USP38: variants seen among roughly 807,000 people sequenced by gnomAD.
USP38 encodes ubiquitin carboxyl-terminal hydrolase 38.
In USP38, 49 loss-of-function variants were observed where a neutral mutation model predicts 94.3. That is an observed-to-expected ratio of 0.52 (90% confidence interval 0.41 to 0.66). USP38 has a LOEUF of 0.66. Ranked by LOEUF, USP38 falls within the 30% of genes least tolerant of loss-of-function variation. The pLI is 0.00. For missense variants in USP38, 1,128 were observed against 1,229.4 expected (o/e 0.92, Z 1.23); for synonymous variants, 468 against 463.6 (o/e 1.01, Z -0.12).
In USP38 at chr4:143,186,098, C is replaced by T. The variant is rs192764056; in HGVS notation, c.648C>T (p.Ser216=). ...WKAEPATLLP[S]LQEVFASISS... ...CCGAGCCTGCCACACTACTGCCTTC[C>T]CTGCAAGAAGTTTTTGCAAGCATCT... The change falls in exon 1 of 10, where the codon TCC becomes TCT. Residue 216 remains serine, a synonymous_variant. Transcript: ENST00000307017. The T allele has an allele frequency of 1.1e-5, 18 of 1,614,102 alleles. No homozygotes were observed. The Admixed American group carries it at 2.5e-4, about 22-fold the overall frequency.
At chr4:143,210,774 A>G (rs1732002578) in intron 7 of USP38, among the ~76,000 whole-genome samples, 1 of 151,992 alleles carries the variant, frequency 6.6e-6, no homozygotes, top group African/African-American at 2.4e-5. Context: ...TAGGTTGAGA[A>G]TTGATGGGGT....
Position 143,196,888 on chromosome 4 carries a change from C to CTA in USP38, c.949-934_949-933insAT, listed in dbSNP as rs372778346. ...CCAAAAACCTTGAAGCTATTCTTATCTTTTTTTCATTCCCTCTCAGCCCAT... is the reference window on the plus strand; with the variant it reads ...CCAAAAACCTTGAAGCTATTCTTATCTATTTTTTTCATTCCCTCTCAGCCCAT... On this transcript the variant is annotated intron_variant, in intron 3 of 9. Transcript: ENST00000307017. Among the ~76,000 whole-genome samples, 547 of 152,282 alleles carry CTA rather than the reference C, an allele frequency of 3.6e-3. 5 individuals are homozygous for CTA. Among genetic ancestry groups the CTA allele is most frequent in the African/African-American group, 0.012 (510 of 41,568 alleles).
chr4:143,203,476 C>A lies in USP38; in HGVS notation c.1119C>A (p.Phe373Leu). ...ATGGTCTGCCTTCAAGTACAGCCTT[C>A]TTAGTACAATTAACAGAATTGATAC... ...KNDGLPSSTA[F>L]LVQLTELIHC... The change falls in exon 5 of 10, where the codon TTC (phenylalanine) becomes TTA (leucine). Residue 373 changes from phenylalanine (F) to leucine (L), a missense_variant. Transcript: ENST00000307017. 1 of 1,613,270 alleles carries A rather than the reference C, an allele frequency of 6.2e-7. No homozygotes were observed. The highest frequency in any genetic ancestry group is 1.1e-5 in the South Asian group (1 of 91,026).
intron 3 of USP38, among the ~76,000 whole-genome samples, chr4:143,196,165 G>A (rs769408858): frequency 2.0e-5 from 3 of 152,054 alleles, no homozygotes; most frequent in Non-Finnish European, 4.4e-5. Context: ...AATTAGGTTG[G>A]CATAATGGTT....
rs1385017877 is a variant in USP38 at position 143,220,486 on chromosome 4, C to T, written c.*30C>T. 4.4e-6 allele frequency: 7 copies of T among 1,591,588 alleles called. No homozygotes were observed. Among genetic ancestry groups the T allele is most frequent in the African/African-American group, 1.4e-5 (1 of 73,752 alleles). ...GAGAGAGTCCAAAATGCACTGGTCA[C>T]GAAACGTCTAATACTATGACTGTTA... On this transcript the variant is annotated 3_prime_UTR_variant, in exon 10 of 10. Coordinates refer to ENST00000307017, the MANE Select transcript of USP38 (RefSeq NM_032557.6).
At chr4:143,194,888 A>G (rs1330556232) in intron 2 of USP38, among the ~76,000 whole-genome samples, 1 of 142,234 alleles carries the variant, frequency 7.0e-6, no homozygotes, top group African/African-American at 2.7e-5. Context: ...GTCCAATCCT[A>G]TATTACTTTT....
intron 4 of USP38, among the ~76,000 whole-genome samples, chr4:143,201,928 C>T (rs572370441): frequency 1.8e-4 from 28 of 152,112 alleles, no homozygotes; most frequent in African/African-American, 6.5e-4. Context: ...ATTTCCATGT[C>T]GTGATAATGT....
At chr4:143,195,892 T>C in intron 3 of USP38, 47 bp downstream of exon 3, 1 of 1,501,256 alleles carries the variant, frequency 6.7e-7, no homozygotes, top group Non-Finnish European at 8.9e-7. Context: ...ACTCATAAAA[T>C]CAATATTTTT....
intron 6 of USP38, among the ~76,000 whole-genome samples, chr4:143,208,057 C>T (rs1435512902): frequency 6.6e-6 from 1 of 151,996 alleles, no homozygotes; most frequent in Non-Finnish European, 1.5e-5. Flanking sequence ...AATATGAAAA[C>T]AAATGCATTT....
At chr4:143,194,754 C>T (rs1034662253) in intron 2 of USP38, among the ~76,000 whole-genome samples, 8 of 152,238 alleles carry the variant, frequency 5.3e-5, no homozygotes, top group African/African-American at 1.7e-4. Flanking sequence ...GTGATCCAGC[C>T]GCCTTGGCTT....
At chr4:143,186,191 C>G (rs28565503) in intron 1 of USP38, 59 bp downstream of exon 1, 1 of 1,482,910 alleles carries the variant, frequency 6.7e-7, no homozygotes, top group Non-Finnish European at 9.2e-7. Flanking sequence ...CTCTCTTGCA[C>G]ACACACATTC....
chr4:143,216,318 A>G (rs1732180507), intron 9 of USP38, among the ~76,000 whole-genome samples: 1 of 152,128 alleles, frequency 6.6e-6, no homozygotes, highest in Non-Finnish European at 1.5e-5. Context: ...CAGTTGTTCT[A>G]GATTCAATCT....
At chr4:143,206,260 G>A (rs757357651) in intron 6 of USP38, 34 bp downstream of exon 6, 3 of 1,493,848 alleles carry the variant, frequency 2.0e-6, no homozygotes, top group Non-Finnish European at 9.0e-7. Context: ...CATTTTAACT[G>A]TAGAAGTTGA....
intron 6 of USP38, among the ~76,000 whole-genome samples, chr4:143,207,747 C>T (rs1474220890): frequency 1.3e-5 from 2 of 151,626 alleles, no homozygotes; most frequent in African/African-American, 4.8e-5. Context: ...CCCATCTTAC[C>T]ACCAGAGGTC....
At position 143,185,765 on chromosome 4, in the gene USP38, C is replaced by G; in HGVS notation, c.315C>G (p.Asp105Glu). ...SLDRKDVAIL[D>E]YIHNGLKLIM... is the part of the protein sequence containing the mutation. ...ACAGGAAGGATGTAGCCATCCTGGA[C>G]TACATTCACAACGGCCTGAAGCTGA... The change falls in exon 1 of 10, where the codon GAC becomes GAG. Residue 105 changes from aspartate to glutamate, a missense_variant. Coordinates refer to ENST00000307017, the MANE Select transcript of USP38 (RefSeq NM_032557.6). 6.2e-7 allele frequency: 1 copy of G among 1,614,200 alleles called. No homozygotes were observed. The highest frequency in any genetic ancestry group is 8.5e-7 in the Non-Finnish European group (1 of 1,180,034).
intron 1 of USP38, among the ~76,000 whole-genome samples, chr4:143,186,872 A>G (rs1731242509): frequency 1.3e-5 from 2 of 152,168 alleles, no homozygotes; most frequent in African/African-American, 4.8e-5. Context: ...AATCATGTTC[A>G]TTTCCGCTCT....
In USP38 at chr4:143,210,419, T is replaced by C. The variant is rs907031197; in HGVS notation, c.1497+762T>C. ...CTGGCCAACATTGTGAAACCCCATC[T>C]CTACTAAAAATACAAAAATTAGCCA... is the stretch of plus-strand genomic sequence containing the variant. On this transcript the variant is annotated intron_variant, in intron 7 of 9. Transcript: ENST00000307017. 3.3e-5 allele frequency among the ~76,000 whole-genome samples: 5 copies of C among 151,896 alleles called. No individual in the cohort carries two copies. The East Asian group carries it at 7.7e-4, about 23-fold the overall frequency.
Position 143,190,801 on chromosome 4 carries a change from A to G in USP38, c.818+2840A>G, listed in dbSNP as rs760193086. Among the ~76,000 whole-genome samples the G allele has an allele frequency of 4.6e-5, 7 of 152,198 alleles. No individual in the cohort carries two copies. In the Middle Eastern group the frequency reaches 0.01, roughly 222 times the overall value. On this transcript the variant is annotated intron_variant, in intron 2 of 9. Transcript: ENST00000307017. ...GCAGTGACTTACTTTTCTTATGTCA[A>G]CCATGTGGACTCCTGATTTTTCTCT...
intron 1 of USP38, among the ~76,000 whole-genome samples, chr4:143,186,713 T>C (rs1211099955): frequency 1.3e-5 from 2 of 152,178 alleles, no homozygotes; most frequent in Non-Finnish European, 2.9e-5. Flanking sequence ...GATTTAAATA[T>C]TTGTTTTTGT....
Sources: gnomAD v4.1 joint callset for allele counts (sites outside exome capture counted in the v4.1 genomes callset) on GRCh38, gnomAD v4.1.1 for gene constraint, MANE v1.5 for transcripts, NCBI Gene and HGNC (gene_info 2026-07-23, HGNC 2026-07-21) for gene names.